The following DNAH12 variants were observed in gnomAD, a reference collection of about 807,000 sequenced individuals.
DNAH12 encodes the protein dynein axonemal heavy chain 12, also known as axonemal beta dynein heavy chain 12.
In DNAH12, 285 loss-of-function variants were observed where a neutral mutation model predicts 371.5. That is an observed-to-expected ratio of 0.77 (90% CI 0.70 to 0.85). The LOEUF (loss-of-function observed/expected upper bound fraction) is 0.85, where lower values mean the gene tolerates loss of function less well. DNAH12 is among the 40% of genes least tolerant of loss of function. The pLI is 0.00. For missense variants in DNAH12, 3,611 were observed against 3,689.4 expected (o/e 0.98, Z 0.55); for synonymous variants, 1,200 against 1,213.0 (o/e 0.99, Z 0.22).
chr3:57,370,720 A>G (rs1198819411), intron 55 of DNAH12, among the ~76,000 whole-genome samples: 1 of 152,200 alleles, frequency 6.6e-6, no homozygotes, highest in Non-Finnish European at 1.5e-5. Flanking sequence ...ATCCACACAT[A>G]TCTAATACAT....
intron 69 of DNAH12, among the ~76,000 whole-genome samples, chr3:57,304,279 T>G (rs2061423761): frequency 6.6e-6 from 1 of 152,180 alleles, no homozygotes; most frequent in Non-Finnish European, 1.5e-5. Context: ...GTGCCATGAC[T>G]CGGATCGGGG....
At chr3:57,329,684 A>G (rs1559558860) in intron 62 of DNAH12, among the ~76,000 whole-genome samples, 1 of 149,704 alleles carries the variant, frequency 6.7e-6, no homozygotes, top group Non-Finnish European at 1.5e-5. Context: ...ACCAAAAACA[A>G]TGGCAACAAA....
intron 20 of DNAH12, among the ~76,000 whole-genome samples, chr3:57,458,993 G>C (rs1486717679): frequency 6.6e-6 from 1 of 152,192 alleles, no homozygotes; most frequent in African/African-American, 2.4e-5. Flanking sequence ...GTCCAGCACA[G>C]CTAGTTTTTC....
At chr3:57,359,331 G>A (rs1440874070) in intron 58 of DNAH12, among the ~76,000 whole-genome samples, 4 of 151,540 alleles carry the variant, frequency 2.6e-5, no homozygotes, top group Admixed American at 6.6e-5. Context: ...AGGCTGAGGC[G>A]GGTGGATCAT....
chr3:57,536,111 A>C (rs2069033202), intron 2 of DNAH12: 2 of 152,278 alleles, frequency 1.3e-5, no homozygotes, highest in Admixed American at 1.3e-4. Flanking sequence ...CTGGGATTAC[A>C]AGCATGAGCC....
At chr3:57,338,373 T>C (rs1210443693) in intron 60 of DNAH12, among the ~76,000 whole-genome samples, 2 of 150,254 alleles carry the variant, frequency 1.3e-5, no homozygotes, top group African/African-American at 4.9e-5. Context: ...CCGTCTGGGA[T>C]GTGAGGAGCG....
chr3:57,399,512 G>A (rs1306218848), intron 43 of DNAH12, among the ~76,000 whole-genome samples: 1 of 152,094 alleles, frequency 6.6e-6, no homozygotes, highest in African/African-American at 2.4e-5. Context: ...AGAGAGCAGG[G>A]ATAGCTATAC....
At chr3:57,375,692 A>G (rs2063267655) in intron 54 of DNAH12, 126 bp downstream of exon 54, 1 of 152,146 alleles carries the variant, frequency 6.6e-6, no homozygotes, top group Admixed American at 6.6e-5. Context: ...AGAAGCAAAA[A>G]AAGAAAGACC....
rs191938301 is a variant in DNAH12, at chr3:57,458,128, A to G, written c.3024T>C (p.Tyr1008=). The part of the protein sequence containing the change: ...LEKIMKGLNA[Y]LEKKRLFFPR... ...GGAAGAAAAGACGTTTCTTTTCAAG[A>G]TATGCGTTAAGACCTTTCATAATTT... Residue 1008 remains tyrosine, a synonymous_variant, in exon 21 of 74, where the codon TAT becomes TAC. Transcript: ENST00000495027. 87 of 1,547,550 alleles carry G rather than the reference A, an allele frequency of 5.6e-5. No homozygotes were observed. In the African/African-American group the frequency reaches 1.0e-3, roughly 18 times the overall value.
chr3:57,552,458 G>A, the DNAH12 span, among the ~76,000 whole-genome samples: 1 of 152,140 alleles, frequency 6.6e-6, no homozygotes, highest in Admixed American at 6.5e-5. Flanking sequence ...AAGTTTATTT[G>A]TAGATGCTTA....
At chr3:57,303,742 G>T (rs2061411757) in intron 69 of DNAH12, among the ~76,000 whole-genome samples, 1 of 152,022 alleles carries the variant, frequency 6.6e-6, no homozygotes, top group Admixed American at 6.6e-5. Flanking sequence ...GAAATGACAG[G>T]ATTTAATAGT....
chr3:57,471,482 C>A lies in DNAH12; in HGVS notation c.1901G>T (p.Arg634Leu), dbSNP rs535397879. Residue 634 changes from arginine to leucine, a missense_variant, in exon 15 of 74, where the codon CGC (arginine) becomes CTC (leucine). Arg to Leu is a moderately radical substitution (Grantham distance 102). This residue lies in a region of DNAH12 where 1,314 missense variants were observed against 1,398.7 expected (regional missense o/e 0.94). Coordinates refer to ENST00000495027, the MANE Select transcript of DNAH12 (RefSeq NM_001366028.2). ...ATATATTTATCAGACCTGTTGCATG[C>A]GCTCCAGCTCTGCAAATTCTGTAAA... ...EEFTEFAELE[R>L]MQQYVTDVRQ... 2.9e-5 allele frequency: 45 copies of A among 1,544,478 alleles called. No individual in the cohort carries two copies. The highest frequency in any genetic ancestry group is 1.3e-5 in the Non-Finnish European group (15 of 1,145,590).
chr3:57,510,131 T>C (rs1237132428), intron 5 of DNAH12, among the ~76,000 whole-genome samples: 2 of 151,902 alleles, frequency 1.3e-5, no homozygotes, highest in Admixed American at 1.3e-4. Flanking sequence ...TTCTAAAAAA[T>C]AGCAAAGATT....
chr3:57,324,020 A>G (rs1038047491), intron 62 of DNAH12, among the ~76,000 whole-genome samples: 4 of 152,342 alleles, frequency 2.6e-5, no homozygotes, highest in South Asian at 2.1e-4. Context: ...GAGAGATACA[A>G]GTAGAAATTA....
At chr3:57,411,368 A>G (rs1553682931) in intron 39 of DNAH12, among the ~76,000 whole-genome samples, 1 of 151,884 alleles carries the variant, frequency 6.6e-6, no homozygotes, top group African/African-American at 2.4e-5. Flanking sequence ...TCTCTACTAA[A>G]AACACAAAAA....
intron 60 of DNAH12, among the ~76,000 whole-genome samples, chr3:57,349,900 G>C (rs1553659550): frequency 6.6e-6 from 1 of 152,156 alleles, no homozygotes. Context: ...ATGTTGCCCT[G>C]GGTGGTCTTG....
At position 57,406,003 on chromosome 3, in the gene DNAH12, A is replaced by C. The variant is rs1575555532; in HGVS notation, c.6277-51T>G. ...AAAAATAAAATGCTTATAATCAGTA[A>C]AGTCATGTAACCAGTGGAATGTTAT... On this transcript the variant is annotated intron_variant, in intron 40 of 73. Transcript: ENST00000495027. 7 of 1,473,954 alleles carry C rather than the reference A, an allele frequency of 4.7e-6. No homozygotes were observed. In the South Asian group the frequency reaches 5.2e-5, roughly 11 times the overall value. 91.3% of individuals were successfully genotyped at this position (1,473,954 alleles called of 1,614,324 possible).
At chr3:57,402,669 A>T (rs2063906777) in intron 43 of DNAH12, among the ~76,000 whole-genome samples, 1 of 152,222 alleles carries the variant, frequency 6.6e-6, no homozygotes, top group Admixed American at 6.5e-5. Context: ...AAAGACACTT[A>T]TCAGAGGCCA....
At chr3:57,320,661 G>A (rs1204834688) in intron 65 of DNAH12, among the ~76,000 whole-genome samples, 1 of 152,144 alleles carries the variant, frequency 6.6e-6, no homozygotes, top group African/African-American at 2.4e-5. Context: ...TTCAAAGTGT[G>A]ATTCCAGAAC....
Sources: allele counts gnomAD v4.1 joint callset (sites outside exome capture counted in the v4.1 genomes callset), GRCh38; gene constraint gnomAD v4.1.1; regional missense constraint gnomAD v4.1.1; transcripts MANE v1.5; gene names NCBI Gene and HGNC (gene_info 2026-07-23, HGNC 2026-07-21).